PPM1A: variants seen among roughly 807,000 people sequenced by gnomAD.
PPM1A encodes the protein protein phosphatase, Mg2+/Mn2+ dependent 1A, also known as protein phosphatase 1A.
A neutral mutation model predicts 35.0 loss-of-function variants in PPM1A; 7 were observed. That is an observed-to-expected ratio of 0.20 (90% confidence interval 0.11 to 0.38). The LOEUF is 0.38. Ranked by LOEUF, PPM1A falls within the 10% of genes least tolerant of loss-of-function variation. The pLI is 1.00. For missense variants in PPM1A, 239 were observed against 467.8 expected, an observed-to-expected ratio of 0.51 and a Z score of 4.51; for synonymous variants, 153 against 167.3, an observed-to-expected ratio of 0.91 and a Z score of 0.66.
At chr14:60,251,609 A>T (rs567179500) in intron 1 of PPM1A, among the ~76,000 whole-genome samples, 1 of 152,294 alleles carries the variant, frequency 6.6e-6, no homozygotes, top group African/African-American at 2.4e-5. Flanking sequence ...TACTACATTT[A>T]AAAATTTTTT....
In PPM1A at chr14:60,292,700, A is replaced by T; in HGVS notation, c.*218A>T. The T allele has an allele frequency of 2.6e-6, 1 of 387,516 alleles. No individual in the cohort carries two copies. The highest frequency in any genetic ancestry group is 4.6e-6 in the Non-Finnish European group (1 of 218,142). The allele number at this position is 387,516 out of a possible 1,614,324, so 24.0% of individuals were successfully genotyped here. On this transcript the variant is annotated 3_prime_UTR_variant, in exon 6 of 6. Transcript: ENST00000395076. This position sits in a 1 kb window ranked among gnomAD's most constrained non-coding sequence, Gnocchi z 4.2. ...GAGACTTATGTAAGCGTGATTTCAAACCATAATTCGTGTTGTAAATCAGAC... is the reference window on the plus strand; with the variant it reads ...GAGACTTATGTAAGCGTGATTTCAATCCATAATTCGTGTTGTAAATCAGAC...
chr14:60,258,228 C>A (rs1883361301), intron 1 of PPM1A, among the ~76,000 whole-genome samples: 1 of 152,072 alleles, frequency 6.6e-6, no homozygotes, highest in Non-Finnish European at 1.5e-5. Flanking sequence ...TGTAGTAAAA[C>A]TCCAAGATTA....
At chr14:60,276,378 T>C (rs894236891) in intron 1 of PPM1A, among the ~76,000 whole-genome samples, 2 of 152,150 alleles carry the variant, frequency 1.3e-5, no homozygotes, top group African/African-American at 4.8e-5. Flanking sequence ...AGATTTCTTA[T>C]CTCTAATGCA....
chr14:60,275,299 T>G (rs1268531289), intron 1 of PPM1A, among the ~76,000 whole-genome samples: 1 of 151,856 alleles, frequency 6.6e-6, no homozygotes, highest in Non-Finnish European at 1.5e-5. Context: ...GGAGTGTAAG[T>G]CCAGAAACCT....
In PPM1A at chr14:60,261,569, G is replaced by T. The variant is rs542207408; in HGVS notation, c.-21+11892G>T. ...ATCTTTGGATTGGAACCAGTACAGA[G>T]TAGGAAACCCATATCACCTTGGGAT... On this transcript the variant is annotated intron_variant, in intron 1 of 5. Transcript: ENST00000395076. 6.4e-4 allele frequency among the ~76,000 whole-genome samples: 97 copies of T among 152,192 alleles called. 3 individuals carry two copies. Among genetic ancestry groups the T allele is most frequent in the Non-Finnish European group, 1.9e-4 (13 of 68,010 alleles).
intron 1 of PPM1A, among the ~76,000 whole-genome samples, chr14:60,254,367 G>A (rs546837539): frequency 6.6e-6 from 1 of 152,224 alleles, no homozygotes; most frequent in African/African-American, 2.4e-5. Flanking sequence ...TGATTAGGTG[G>A]GAGTAGATGG....
Position 60,283,689 on chromosome 14 carries a change from C to A in PPM1A, c.834+152C>A. On this transcript the variant is annotated intron_variant, in intron 2 of 5. Transcript: ENST00000395076. The surrounding 1 kb of genome is among the most constrained non-coding windows in gnomAD (Gnocchi z 6.3). Reference sequence around the variant, plus strand: ...CCAATTATGAAAATATATCATAGGACCACTATGTAGAAATAAATTACCCAA... The same window carrying A: ...CCAATTATGAAAATATATCATAGGAACACTATGTAGAAATAAATTACCCAA... 4.1e-6 allele frequency: 3 copies of A among 739,148 alleles called. No individual in the cohort carries two copies. The highest frequency in any genetic ancestry group is 6.4e-6 in the Non-Finnish European group (3 of 470,846). 45.8% of individuals were successfully genotyped at this position (739,148 alleles called of 1,614,324 possible). A position where few individuals can be genotyped will look rare whatever the true frequency, so the allele number is the denominator to read the frequency against.
rs570677448 is a variant in PPM1A at position 60,279,504 on chromosome 14, G to A, written c.-20-3180G>A. 5.9e-5 allele frequency among the ~76,000 whole-genome samples: 9 copies of A among 152,256 alleles called. No homozygotes were observed. The East Asian group carries it at 9.6e-4, about 16-fold the overall frequency. On this transcript the variant is annotated intron_variant, in intron 1 of 5. Coordinates refer to ENST00000395076, the MANE Select transcript of PPM1A (RefSeq NM_021003.5). ...TACTGATTAAACTGATTTATCACCC[G>A]TGTTCATTATTTTTAAAACGTTGTT...
chr14:60,290,214 G>A (rs1044104889), intron 4 of PPM1A, among the ~76,000 whole-genome samples: 2 of 152,062 alleles, frequency 1.3e-5, no homozygotes, highest in African/African-American at 4.8e-5. Context: ...AAATTACATA[G>A]CACTACATAA....
At chr14:60,287,686 A>C (rs1343813660) in intron 3 of PPM1A, 14 of 985,242 alleles carry the variant, frequency 1.4e-5, no homozygotes, top group Non-Finnish European at 1.7e-5. Flanking sequence ...AAGGCCTTCC[A>C]GCTCTCCTTT....
At chr14:60,269,127 T>C (rs943892775) in intron 1 of PPM1A, among the ~76,000 whole-genome samples, 4 of 152,176 alleles carry the variant, frequency 2.6e-5, no homozygotes, top group African/African-American at 9.7e-5. Flanking sequence ...ATGGCTCTTA[T>C]TCTGTTTATT....
intron 1 of PPM1A, among the ~76,000 whole-genome samples, chr14:60,253,432 G>A (rs1444149545): frequency 1.3e-5 from 2 of 152,078 alleles, no homozygotes; most frequent in African/African-American, 2.4e-5. Context: ...CCTAAATAAC[G>A]TGCCAGGATC....
chr14:60,253,058 G>A (rs7156215), intron 1 of PPM1A, among the ~76,000 whole-genome samples: 73,171 of 151,996 alleles, frequency 0.48, 21,766 homozygotes, highest in African/African-American at 0.85. Context: ...ATGTGTATCA[G>A]TAAACTAGAC....
intron 1 of PPM1A, among the ~76,000 whole-genome samples, chr14:60,279,336 C>G (rs567879860): frequency 9.2e-5 from 14 of 152,102 alleles, no homozygotes; most frequent in Admixed American, 7.9e-4. Flanking sequence ...AGTCTGGTCT[C>G]GAACTCCTGA....
upstream of PPM1A, chr14:60,245,979 G>A (rs746512154): frequency 2.6e-5 from 41 of 1,578,274 alleles, no homozygotes; most frequent in Non-Finnish European, 3.4e-5. This position sits in a 1 kb window ranked among gnomAD's most constrained non-coding sequence, Gnocchi z 4.2. Context: ...AGGGAGGAGA[G>A]AGAAGGAGAA....
intron 1 of PPM1A, among the ~76,000 whole-genome samples, chr14:60,267,823 T>G (rs1367837733): frequency 1.3e-5 from 2 of 152,108 alleles, no homozygotes; most frequent in African/African-American, 2.4e-5. Flanking sequence ...TTTCCCTGTG[T>G]ATGTGCATAT....
chr14:60,297,001 C>G lies in PPM1A; in HGVS notation c.*4519C>G, dbSNP rs1409503892. Reference sequence around the variant, plus strand: ...ATGGTATTGAAATTACAGTTGACAACTTATATTTTTATGAGATGGAGAAAA... The same window carrying G: ...ATGGTATTGAAATTACAGTTGACAAGTTATATTTTTATGAGATGGAGAAAA... On this transcript the variant is annotated 3_prime_UTR_variant, in exon 6 of 6. Coordinates refer to ENST00000395076, the MANE Select transcript of PPM1A (RefSeq NM_021003.5). 1 of 208,526 alleles carries G rather than the reference C, an allele frequency of 4.8e-6. No individual in the cohort carries two copies. Among genetic ancestry groups the G allele is most frequent in the Non-Finnish European group, 9.4e-6 (1 of 106,470 alleles). 12.9% of individuals were successfully genotyped at this position (208,526 alleles called of 1,614,324 possible).
At chr14:60,281,070 A>T (rs1264385002) in intron 1 of PPM1A, among the ~76,000 whole-genome samples, 6 of 152,330 alleles carry the variant, frequency 3.9e-5, no homozygotes, top group Non-Finnish European at 7.3e-5. Flanking sequence ...TGAAGAGATT[A>T]AATGAAGTAA....
chr14:60,267,078 T>TC (rs1384600691), intron 1 of PPM1A: 3 of 152,182 alleles, frequency 2.0e-5, no homozygotes, highest in Admixed American at 6.5e-5. Context: ...AGTATTTTTT[T>TC]CCCTATCATT....
Sources: gnomAD v4.1 joint callset for allele counts (sites outside exome capture counted in the v4.1 genomes callset) on GRCh38, gnomAD v4.1.1 for gene constraint, Gnocchi (gnomAD v3.1) non-coding constraint, MANE v1.5 for transcripts, NCBI Gene and HGNC (gene_info 2026-07-23, HGNC 2026-07-21) for gene names.